Variants in RELN observed in about 807,000 individuals in gnomAD.
RELN encodes the protein reelin.
A neutral mutation model predicts 427.6 loss-of-function variants in RELN; 108 were observed. The observed-to-expected ratio is 0.25, with a 90% CI of 0.22 to 0.30. The LOEUF (loss-of-function observed/expected upper bound fraction) is 0.30. Among genes scored for constraint, RELN ranks in the 10% least tolerant of loss-of-function variants. The probability of loss-of-function intolerance (pLI) is 1.00; values close to 1 mark genes in which losing one functional copy is unlikely to be tolerated. For missense variants in RELN, 3,715 were observed against 4,302.8 expected (o/e 0.86, Z 3.82); for synonymous variants, 1,524 against 1,513.4 (o/e 1.01, Z -0.16).
At chr7:103,515,483 G>T in intron 49 of RELN, 42 bp from the exon 50 acceptor site, 4 of 1,595,852 alleles carry the variant, frequency 2.5e-6, no homozygotes, top group Non-Finnish European at 3.4e-6. Context: ...AAGAACCCTT[G>T]TCAAATATCT....
intron 43 of RELN, among the ~76,000 whole-genome samples, chr7:103,540,674 C>A (rs551273684): frequency 4.1e-4 from 63 of 152,052 alleles, no homozygotes; most frequent in Non-Finnish European, 7.8e-4. Flanking sequence ...ATTCTGCACC[C>A]ATATTTGTGT....
chr7:103,856,207 A>C (rs1793939882), intron 2 of RELN, among the ~76,000 whole-genome samples: 1 of 152,194 alleles, frequency 6.6e-6, no homozygotes, highest in Non-Finnish European at 1.5e-5. Flanking sequence ...GGTATAATAG[A>C]ATATAATGCC....
chr7:103,497,692 A>G (rs1439681465), intron 55 of RELN, 128 bp downstream of exon 55: 2 of 777,600 alleles, frequency 2.6e-6, no homozygotes, highest in Admixed American at 4.0e-5. Flanking sequence ...CAAAATCTGT[A>G]GCTTTTTCTT....
intron 8 of RELN, among the ~76,000 whole-genome samples, chr7:103,719,221 C>T (rs1790014509): frequency 6.6e-6 from 1 of 152,100 alleles, no homozygotes; most frequent in South Asian, 2.1e-4. Flanking sequence ...CTCATAGCTA[C>T]CAGGCCCAGT....
rs528127363 is a variant in RELN, at chr7:103,922,781, G to T, written c.227-5596C>A. ...TAAATTTAGACATTTAATGATGTTT[G>T]CATTTCATTCTAAAGCTTCTGGTCT... On this transcript the variant is annotated intron_variant, in intron 1 of 64. Coordinates refer to ENST00000428762, the MANE Select transcript of RELN (RefSeq NM_005045.4). Among the ~76,000 whole-genome samples the T allele has an allele frequency of 1.1e-3, 162 of 152,194 alleles. 1 individual carries two copies. Among genetic ancestry groups the T allele is most frequent in the African/African-American group, 3.7e-3 (152 of 41,536 alleles).
intron 2 of RELN, among the ~76,000 whole-genome samples, chr7:103,847,720 C>A (rs1793714271): frequency 6.6e-6 from 1 of 152,078 alleles, no homozygotes; most frequent in Non-Finnish European, 1.5e-5. Flanking sequence ...TTAAAGAAAG[C>A]CTTGTTGAGG....
At chr7:103,761,304 C>T (rs921239756) in intron 4 of RELN, among the ~76,000 whole-genome samples, 1 of 152,116 alleles carries the variant, frequency 6.6e-6, no homozygotes, top group Non-Finnish European at 1.5e-5. Context: ...AAAATTATGG[C>T]TCATTGTCTT....
intron 2 of RELN, among the ~76,000 whole-genome samples, chr7:103,864,405 C>G (rs1177619240): frequency 6.6e-6 from 1 of 152,156 alleles, no homozygotes; most frequent in African/African-American, 2.4e-5. Context: ...AGAAGTTACT[C>G]ACCTTGTATA....
intron 17 of RELN, among the ~76,000 whole-genome samples, chr7:103,639,596 C>A (rs1832657044): frequency 6.6e-6 from 1 of 151,900 alleles, no homozygotes; most frequent in African/African-American, 2.4e-5. Flanking sequence ...GATCGGGTCT[C>A]ACCATGTTGG....
intron 10 of RELN, among the ~76,000 whole-genome samples, chr7:103,685,594 C>T (rs1445946149): frequency 6.6e-6 from 1 of 152,010 alleles, no homozygotes; most frequent in East Asian, 1.9e-4. Flanking sequence ...GTATTTCTAG[C>T]ACTCCTAATG....
At chr7:103,607,785 T>G (rs1831853591) in intron 22 of RELN, among the ~76,000 whole-genome samples, 1 of 152,230 alleles carries the variant, frequency 6.6e-6, no homozygotes, top group East Asian at 1.9e-4. Flanking sequence ...GTAATTACAT[T>G]TACCCAATTA....
intron 8 of RELN, among the ~76,000 whole-genome samples, chr7:103,710,899 C>T (rs1327427867): frequency 6.6e-6 from 1 of 152,160 alleles, no homozygotes; most frequent in Admixed American, 6.5e-5. Flanking sequence ...AAAAAATTAG[C>T]TGGGTGTGGT....
chr7:103,661,664 T>C, intron 11 of RELN, 137 bp from the exon 12 acceptor site: 3 of 822,660 alleles, frequency 3.6e-6, no homozygotes, highest in East Asian at 5.3e-5. Context: ...TGGCACTTTA[T>C]TTAGGCAATG....
intron 57 of RELN, among the ~76,000 whole-genome samples, chr7:103,493,492 TATTGA>T (rs1047549154): frequency 1.3e-5 from 2 of 152,126 alleles, no homozygotes; most frequent in Non-Finnish European, 2.9e-5. Flanking sequence ...GCTATTAAAA[TATTGA>T]ATTAATTGTT....
chr7:103,902,459 G>C (rs1795104874), intron 2 of RELN, among the ~76,000 whole-genome samples: 1 of 152,024 alleles, frequency 6.6e-6, no homozygotes, highest in African/African-American at 2.4e-5. Context: ...TTTTCTGAAA[G>C]AGAACCGGAA....
intron 61 of RELN, among the ~76,000 whole-genome samples, chr7:103,485,028 A>C (rs75887187): frequency 0.015 from 2,290 of 152,282 alleles, 68 homozygotes; most frequent in African/African-American, 0.053. Context: ...ATAAATCATC[A>C]TAAGATTCCT....
At chr7:103,792,850 T>C (rs1792201811) in intron 3 of RELN, among the ~76,000 whole-genome samples, 1 of 152,116 alleles carries the variant, frequency 6.6e-6, no homozygotes, top group South Asian at 2.1e-4. Flanking sequence ...AGGCTGTAGA[T>C]AAGCTAATAG....
At chr7:103,955,709 T>C (rs976353526) in intron 1 of RELN, among the ~76,000 whole-genome samples, 3 of 152,204 alleles carry the variant, frequency 2.0e-5, no homozygotes, top group African/African-American at 7.2e-5. Context: ...GTAAAACACT[T>C]TGGCTTCTGT....
chr7:103,973,967 A>AC (rs780253752), intron 1 of RELN, among the ~76,000 whole-genome samples: 3 of 152,068 alleles, frequency 2.0e-5, no homozygotes, highest in Non-Finnish European at 4.4e-5. Context: ...ACATGGTGAA[A>AC]CCCCATCTCT....
Sources: allele counts gnomAD v4.1 joint callset (sites outside exome capture counted in the v4.1 genomes callset), GRCh38; gene constraint gnomAD v4.1.1; transcripts MANE v1.5; gene names NCBI Gene and HGNC (gene_info 2026-07-23, HGNC 2026-07-21).